Variants in PEAK1 observed in about 807,000 individuals in gnomAD.
The protein encoded by PEAK1 is inactive tyrosine-protein kinase PEAK1.
A neutral mutation model predicts 124.7 loss-of-function variants in PEAK1; 54 were observed. That is an observed-to-expected ratio of 0.43 (90% confidence interval 0.35 to 0.54). The LOEUF (loss-of-function observed/expected upper bound fraction) is 0.54, where lower values mean the gene tolerates loss of function less well. PEAK1 is among the 20% of genes least tolerant of loss of function. PEAK1 has a pLI of 0.01. For missense variants in PEAK1, 2,046 were observed against 2,134.5 expected (o/e 0.96, Z 0.82); for synonymous variants, 719 against 760.0 (o/e 0.95, Z 0.89).
At chr15:77,206,700 T>G (rs71405301) in intron 6 of PEAK1, among the ~76,000 whole-genome samples, 11,325 of 151,184 alleles carry the variant, frequency 0.075, 481 homozygotes, top group Non-Finnish European at 0.1. Context: ...TAAATTTGTT[T>G]GAGTTCATTG....
At chr15:77,137,252 G>A (rs939374367) in intron 8 of PEAK1, among the ~76,000 whole-genome samples, 2 of 152,230 alleles carry the variant, frequency 1.3e-5, no homozygotes, top group African/African-American at 4.8e-5. Flanking sequence ...TGGGGTCGGA[G>A]CCCCCACACA....
rs112911309 is a variant in PEAK1, at chr15:77,292,963, G to C, written c.-602-6459C>G. On this transcript the variant is annotated intron_variant, in intron 2 of 9. Transcript: ENST00000682557. ...AATACTCTACCTGAATGACCTATCA[G>C]CACTTCAAACTTAAAATACTAAGCT... is the stretch of plus-strand genomic sequence containing the variant. Among the ~76,000 whole-genome samples, 306 of 152,138 alleles carry C rather than the reference G, an allele frequency of 2.0e-3. 1 individual carries two copies. Among genetic ancestry groups the C allele is most frequent in the African/African-American group, 7.3e-3 (303 of 41,492 alleles).
intron 1 of PEAK1, among the ~76,000 whole-genome samples, chr15:77,375,831 T>TA (rs915751792): frequency 9.9e-5 from 15 of 151,456 alleles, no homozygotes; most frequent in South Asian, 2.1e-4. Context: ...CTGTCTCTAC[T>TA]AAAAAAAACA....
chr15:77,169,980 TG>T (rs1567058510), intron 7 of PEAK1, among the ~76,000 whole-genome samples: 1 of 152,162 alleles, frequency 6.6e-6, no homozygotes, highest in Non-Finnish European at 1.5e-5. Flanking sequence ...ACATGATTCT[TG>T]GGGGAAGAGA....
At chr15:77,387,124 C>T (rs1433902522) in intron 1 of PEAK1, among the ~76,000 whole-genome samples, 1 of 152,206 alleles carries the variant, frequency 6.6e-6, no homozygotes. Context: ...CTCCCTCCTT[C>T]TAGAATCTCT....
chr15:77,401,403 A>AT, intron 1 of PEAK1: 1 of 664,708 alleles, frequency 1.5e-6, no homozygotes, highest in Non-Finnish European at 1.9e-6. Flanking sequence ...CTAATTAAGA[A>AT]TACTTTTTCT....
chr15:77,103,488 A>T (rs1173413966), downstream of PEAK1: 1 of 152,128 alleles, frequency 6.6e-6, no homozygotes, highest in Non-Finnish European at 1.5e-5. Context: ...ACACAATAAG[A>T]TCTAATTTTT....
intron 1 of PEAK1, among the ~76,000 whole-genome samples, chr15:77,367,967 T>G (rs1173354859): frequency 6.6e-6 from 1 of 152,202 alleles, no homozygotes; most frequent in Admixed American, 6.5e-5. Flanking sequence ...CTATCATCTG[T>G]AAACCACATC....
At chr15:77,262,206 G>A (rs1051879861) in intron 5 of PEAK1, among the ~76,000 whole-genome samples, 5 of 152,002 alleles carry the variant, frequency 3.3e-5, no homozygotes, top group African/African-American at 4.8e-5. Flanking sequence ...ATCAACTAAC[G>A]AGCAAAATAA....
intron 2 of PEAK1, among the ~76,000 whole-genome samples, chr15:77,310,606 G>C (rs2064377252): frequency 6.6e-6 from 1 of 152,190 alleles, no homozygotes. Flanking sequence ...AAGGTTTCTA[G>C]AAGGGCACAT....
chr15:77,201,316 C>T (rs1189815114), intron 6 of PEAK1, among the ~76,000 whole-genome samples: 1 of 141,972 alleles, frequency 7.0e-6, no homozygotes, highest in Non-Finnish European at 1.5e-5. Flanking sequence ...CAGCTCACTG[C>T]AAGCTCCACC....
intron 1 of PEAK1, among the ~76,000 whole-genome samples, chr15:77,386,794 C>A (rs570133946): frequency 9.9e-5 from 15 of 152,276 alleles, no homozygotes; most frequent in African/African-American, 3.6e-4. Context: ...CCCACGACAC[C>A]ACTATGTCTA....
downstream of PEAK1, chr15:77,105,748 C>T (rs755399478): frequency 3.3e-5 from 5 of 152,346 alleles, no homozygotes; most frequent in Non-Finnish European, 7.3e-5. Context: ...CTCCCCACAC[C>T]AATTCACTCC....
chr15:77,341,169 G>C (rs2066506159), intron 2 of PEAK1, among the ~76,000 whole-genome samples: 1 of 151,964 alleles, frequency 6.6e-6, no homozygotes, highest in South Asian at 2.1e-4. Flanking sequence ...ATGAGTTAGG[G>C]CACTTACCCT....
chr15:77,238,695 G>A (rs1448832579), intron 6 of PEAK1, among the ~76,000 whole-genome samples: 7 of 152,262 alleles, frequency 4.6e-5, no homozygotes, highest in Non-Finnish European at 8.8e-5. Flanking sequence ...CCACCGGGTA[G>A]TTAAAATGGA....
intron 2 of PEAK1, among the ~76,000 whole-genome samples, chr15:77,320,672 T>TA (rs1224239759): frequency 6.6e-6 from 1 of 152,220 alleles, no homozygotes; most frequent in African/African-American, 2.4e-5. Context: ...GCATTTTTTT[T>TA]ATTATACTTT....
intron 9 of PEAK1, among the ~76,000 whole-genome samples, chr15:77,130,258 AT>A (rs2152736482): frequency 6.6e-6 from 1 of 152,324 alleles, no homozygotes; most frequent in East Asian, 1.9e-4. Context: ...TGCATTGGTG[AT>A]TTTGCAGCAA....
intron 2 of PEAK1, among the ~76,000 whole-genome samples, chr15:77,307,840 T>C (rs1445799475): frequency 1.3e-5 from 2 of 152,024 alleles, no homozygotes; most frequent in Non-Finnish European, 2.9e-5. Context: ...CTCTCAAATT[T>C]TGAGTATATA....
chr15:77,362,869 T>C (rs2141585949), intron 2 of PEAK1, among the ~76,000 whole-genome samples: 1 of 152,312 alleles, frequency 6.6e-6, no homozygotes, highest in South Asian at 2.1e-4. Flanking sequence ...ATTTATTTAT[T>C]TTTTTAGACG....
Sources: allele counts gnomAD v4.1 joint callset (sites outside exome capture counted in the v4.1 genomes callset), GRCh38; gene constraint gnomAD v4.1.1; transcripts MANE v1.5; gene names NCBI Gene and HGNC (gene_info 2026-07-23, HGNC 2026-07-21).